Variants in SHISA9 observed in about 807,000 individuals in gnomAD.
SHISA9 encodes the protein shisa family member 9.
A neutral mutation model predicts 38.0 loss-of-function variants in SHISA9; 13 were observed. The ratio of observed to expected loss-of-function variants is 0.34; its 90% CI spans 0.22 to 0.54. The LOEUF (loss-of-function observed/expected upper bound fraction) is 0.54. Among genes scored for constraint, SHISA9 ranks in the 20% least tolerant of loss-of-function variants. The probability of loss-of-function intolerance (pLI) is 0.91; values close to 1 mark genes in which losing one functional copy is unlikely to be tolerated. For synonymous variants in SHISA9, 275 were observed against 242.0 expected (o/e 1.14, Z -1.27); for missense variants, 538 against 575.8 (o/e 0.93, Z 0.67).
chr16:13,341,936 T>G, the SHISA9 span, among the ~76,000 whole-genome samples: 1 of 152,162 alleles, frequency 6.6e-6, no homozygotes, highest in Non-Finnish European at 1.5e-5. Context: ...TCCACCCAGT[T>G]GCCTAAGCCA....
At chr16:13,062,384 G>T (rs530167274) in intron 2 of SHISA9, among the ~76,000 whole-genome samples, 1 of 152,184 alleles carries the variant, frequency 6.6e-6, no homozygotes, top group African/African-American at 2.4e-5. Flanking sequence ...TCGCAGAGTA[G>T]ATCAAGGACT....
the SHISA9 span, among the ~76,000 whole-genome samples, chr16:13,284,122 G>T: frequency 5.3e-5 from 8 of 152,112 alleles, no homozygotes; most frequent in African/African-American, 1.9e-4. Flanking sequence ...TCTGCTCTCT[G>T]CCTTCTCAAC....
At chr16:13,156,372 T>C (rs2050546823) in intron 2 of SHISA9, among the ~76,000 whole-genome samples, 1 of 152,188 alleles carries the variant, frequency 6.6e-6, no homozygotes, top group African/African-American at 2.4e-5. Flanking sequence ...TTATTAATTG[T>C]GTGTACACGC....
chr16:13,096,559 G>T (rs2073829998), intron 2 of SHISA9, among the ~76,000 whole-genome samples: 1 of 152,162 alleles, frequency 6.6e-6, no homozygotes, highest in African/African-American at 2.4e-5. Flanking sequence ...GGGGAAGGTT[G>T]ATATAGGCAG....
At chr16:13,445,830 C>G in the SHISA9 span, among the ~76,000 whole-genome samples, 1 of 152,140 alleles carries the variant, frequency 6.6e-6, no homozygotes, top group East Asian at 1.9e-4. Context: ...TGCTAAACCT[C>G]TCTGAGCCTC....
At chr16:13,365,819 G>A in the SHISA9 span, among the ~76,000 whole-genome samples, 1 of 152,108 alleles carries the variant, frequency 6.6e-6, no homozygotes, top group Non-Finnish European at 1.5e-5. Flanking sequence ...GGAACACCAA[G>A]TTGTAATTGT....
the SHISA9 span, among the ~76,000 whole-genome samples, chr16:13,291,336 G>T: frequency 6.6e-6 from 1 of 152,128 alleles, no homozygotes; most frequent in African/African-American, 2.4e-5. Context: ...CTCTTGATAA[G>T]ACTAGTGACA....
chr16:13,004,943 G>GGAAAAAAAAAAAAAAAA (rs2072577019), intron 2 of SHISA9, among the ~76,000 whole-genome samples: 1 of 103,758 alleles, frequency 9.6e-6, no homozygotes, highest in African/African-American at 3.7e-5. Flanking sequence ...TTAAGAAAAA[G>GGAAAAAAAAAAAAAAAA]AAAAAAAAAA....
At chr16:13,224,430 T>C (rs1404091112) in intron 4 of SHISA9, among the ~76,000 whole-genome samples, 1 of 152,182 alleles carries the variant, frequency 6.6e-6, no homozygotes, top group Non-Finnish European at 1.5e-5. Context: ...GATGACTCAG[T>C]CTTCGGTGAT....
At chr16:12,971,860 G>T (rs1426998928) in intron 2 of SHISA9, among the ~76,000 whole-genome samples, 2 of 152,112 alleles carry the variant, frequency 1.3e-5, no homozygotes, top group Non-Finnish European at 2.9e-5. Flanking sequence ...GTGGTACCCA[G>T]GTTTATTCCT....
intron 2 of SHISA9, among the ~76,000 whole-genome samples, chr16:13,006,485 A>G (rs573837620): frequency 1.3e-5 from 2 of 152,098 alleles, no homozygotes; most frequent in African/African-American, 4.8e-5. Context: ...AGACACAGAG[A>G]CTCTGTCTCC....
chr16:13,349,811 C>G, the SHISA9 span, among the ~76,000 whole-genome samples: 1 of 152,008 alleles, frequency 6.6e-6, no homozygotes, highest in African/African-American at 2.4e-5. Context: ...TTTAGATGAA[C>G]AGAAAAAGGA....
chr16:13,255,287 T>A, the SHISA9 span, among the ~76,000 whole-genome samples: 1 of 152,144 alleles, frequency 6.6e-6, no homozygotes, highest in Non-Finnish European at 1.5e-5. Context: ...TGTCTAGGCA[T>A]CTTTCTTCCT....
the SHISA9 span, among the ~76,000 whole-genome samples, chr16:13,387,839 T>C: frequency 6.6e-6 from 1 of 152,096 alleles, no homozygotes; most frequent in East Asian, 1.9e-4. Context: ...TCGCTAACTA[T>C]GGTCCGTTAC....
chr16:12,909,887 T>A (rs2071158455), intron 1 of SHISA9: 1 of 141,626 alleles, frequency 7.1e-6, no homozygotes, highest in African/African-American at 2.5e-5. Flanking sequence ...GACACAGTCG[T>A]ACTCTGTCAC....
At chr16:13,355,879 T>C in the SHISA9 span, among the ~76,000 whole-genome samples, 395 of 152,284 alleles carry the variant, frequency 2.6e-3, 1 homozygote, top group Middle Eastern at 0.02. Flanking sequence ...CAGAAAGCCT[T>C]GGGCCAGAGT....
intron 2 of SHISA9, among the ~76,000 whole-genome samples, chr16:12,951,637 G>T (rs1186583242): frequency 1.3e-5 from 2 of 152,142 alleles, no homozygotes; most frequent in Non-Finnish European, 2.9e-5. Context: ...TGGCGGTGGG[G>T]GAGGGGTGCA....
chr16:13,403,601 C>G, the SHISA9 span, among the ~76,000 whole-genome samples: 1 of 152,312 alleles, frequency 6.6e-6, no homozygotes, highest in East Asian at 1.9e-4. Flanking sequence ...AATTCAAAAG[C>G]AGCACTGAAT....
At chr16:12,929,470 C>A (rs141853832) in intron 2 of SHISA9, among the ~76,000 whole-genome samples, 2 of 152,092 alleles carry the variant, frequency 1.3e-5, no homozygotes, top group Admixed American at 1.3e-4. Flanking sequence ...TAAAAAGGAA[C>A]GAGATCTTGT....
Sources: gnomAD v4.1 joint callset for allele counts (sites outside exome capture counted in the v4.1 genomes callset) on GRCh38, gnomAD v4.1.1 for gene constraint, MANE v1.5 for transcripts, NCBI Gene and HGNC (gene_info 2026-07-23, HGNC 2026-07-21) for gene names.